The following AXDND1 variants were observed in gnomAD, a reference collection of about 807,000 sequenced individuals.
The protein encoded by AXDND1 is axonemal dynein light chain domain-containing protein 1.
AXDND1 carries 110 observed loss-of-function variants against 137.5 expected under a neutral mutation model. The ratio of observed to expected loss-of-function variants is 0.80; its 90% CI spans 0.69 to 0.94. The LOEUF (loss-of-function observed/expected upper bound fraction) is 0.94, where lower values mean the gene tolerates loss of function less well. Ranked by LOEUF, AXDND1 falls within the 40% of genes least tolerant of loss-of-function variation. The probability of loss-of-function intolerance (pLI) is 0.00; values close to 1 mark genes in which losing one functional copy is unlikely to be tolerated. For synonymous variants in AXDND1, 414 were observed against 399.7 expected (o/e 1.04, Z -0.43); for missense variants, 1,191 against 1,169.8 (o/e 1.02, Z -0.26).
chr1:179,452,788 G>A (rs1660734006), intron 16 of AXDND1: 2 of 151,766 alleles, frequency 1.3e-5, no homozygotes, highest in African/African-American at 4.8e-5. Flanking sequence ...AAGTAATGGG[G>A]AGCCAACTGT....
chr1:179,493,485 A>G (rs528258553), intron 20 of AXDND1, among the ~76,000 whole-genome samples: 1 of 152,250 alleles, frequency 6.6e-6, no homozygotes, highest in South Asian at 2.1e-4. Context: ...CTTTGAATGG[A>G]TGTATACTTT....
Position 179,385,241 on chromosome 1 carries a change from C to T in AXDND1, c.745C>T (p.His249Tyr), listed in dbSNP as rs752633154. ...NQEYTGPTKM[H>Y]KLLHILKKEQ... ...TATGTTACTTACCTTCTGACAGATG[C>T]ACAAACTACTACATATATTGAAGAA... The change falls in exon 9 of 26, where the codon CAC (histidine) becomes TAC (tyrosine). Residue 249 changes from histidine (H) to tyrosine (Y), a missense_variant. Coordinates refer to ENST00000367618, the MANE Select transcript of AXDND1 (RefSeq NM_144696.6). 3 of 1,608,886 alleles carry T rather than the reference C, an allele frequency of 1.9e-6. No homozygotes were observed. The highest frequency in any genetic ancestry group is 8.5e-7 in the Non-Finnish European group (1 of 1,175,476).
intron 16 of AXDND1, among the ~76,000 whole-genome samples, chr1:179,458,132 G>A (rs1382417056): frequency 6.6e-6 from 1 of 152,014 alleles, no homozygotes. Flanking sequence ...TGGGACTACA[G>A]GTGCATGCTG....
chr1:179,548,665 A>G (rs1002823442), intron 25 of AXDND1: 2 of 152,212 alleles, frequency 1.3e-5, no homozygotes, highest in Non-Finnish European at 2.9e-5. Flanking sequence ...CAGTCCATCA[A>G]GGAGATGCAT....
chr1:179,462,835 C>T (rs1047607133), intron 16 of AXDND1, among the ~76,000 whole-genome samples: 1 of 152,136 alleles, frequency 6.6e-6, no homozygotes, highest in Non-Finnish European at 1.5e-5. Flanking sequence ...TCAAATTCTT[C>T]CTGGTTTACT....
intron 8 of AXDND1, among the ~76,000 whole-genome samples, chr1:179,384,168 A>G (rs879236157): frequency 2.0e-5 from 3 of 152,190 alleles, no homozygotes; most frequent in Admixed American, 6.5e-5. Flanking sequence ...AAAAAGTTCA[A>G]TACAAGACAC....
chr1:179,478,525 A>C (rs1444309324), intron 17 of AXDND1, among the ~76,000 whole-genome samples: 1 of 152,110 alleles, frequency 6.6e-6, no homozygotes, highest in African/African-American at 2.4e-5. Context: ...TGGCTGGAGC[A>C]GCTGGGATGC....
intron 21 of AXDND1, among the ~76,000 whole-genome samples, chr1:179,524,175 A>G (rs544294980): frequency 1.3e-5 from 2 of 152,312 alleles, no homozygotes; most frequent in South Asian, 4.1e-4. Context: ...TCTTTTTCAT[A>G]TAATGACTGC....
chr1:179,479,734 A>ACC (rs1665120887), intron 17 of AXDND1, among the ~76,000 whole-genome samples: 1 of 152,112 alleles, frequency 6.6e-6, no homozygotes. Flanking sequence ...CCGAGATCGC[A>ACC]CCACTGCACT....
At chr1:179,368,475 GTCT>G (rs973393496) in intron 2 of AXDND1, among the ~76,000 whole-genome samples, 2 of 152,156 alleles carry the variant, frequency 1.3e-5, no homozygotes, top group African/African-American at 2.4e-5. Context: ...ATTCATTCCT[GTCT>G]TCTTAAGGCT....
At chr1:179,415,077 A>G (rs982117038) in intron 12 of AXDND1, among the ~76,000 whole-genome samples, 1 of 152,200 alleles carries the variant, frequency 6.6e-6, no homozygotes, top group African/African-American at 2.4e-5. Flanking sequence ...CGTGATGGCC[A>G]ATGCCTGTAA....
At chr1:179,414,832 T>A (rs1005825573) in intron 12 of AXDND1, among the ~76,000 whole-genome samples, 8 of 152,228 alleles carry the variant, frequency 5.3e-5, no homozygotes, top group Non-Finnish European at 7.4e-5. Context: ...AATCTGAATA[T>A]GAGAATAATA....
intron 16 of AXDND1, among the ~76,000 whole-genome samples, chr1:179,459,870 TTCTTTTCTTTTC>T (rs960548913): frequency 4.9e-5 from 7 of 144,148 alleles, no homozygotes; most frequent in Non-Finnish European, 7.5e-5. Flanking sequence ...TTTCCTTCCT[TTCTTTTCTTTTC>T]TCTTTTCTTT....
At chr1:179,410,420 G>A (rs1386019332) in intron 11 of AXDND1, among the ~76,000 whole-genome samples, 2 of 152,138 alleles carry the variant, frequency 1.3e-5, no homozygotes, top group Non-Finnish European at 2.9e-5. Context: ...TAGAGACGAG[G>A]TTTCACCATG....
chr1:179,525,013 T>G (rs983976231), intron 21 of AXDND1, among the ~76,000 whole-genome samples: 5 of 152,164 alleles, frequency 3.3e-5, no homozygotes, highest in African/African-American at 1.2e-4. Flanking sequence ...CAGAGCTGCT[T>G]CTTTTCCTTC....
chr1:179,436,516 A>G (rs1223985422), intron 15 of AXDND1, among the ~76,000 whole-genome samples: 2 of 152,212 alleles, frequency 1.3e-5, no homozygotes, highest in Non-Finnish European at 1.5e-5. Flanking sequence ...AGCCATAGAA[A>G]GGAATGAGAT....
intron 17 of AXDND1, among the ~76,000 whole-genome samples, chr1:179,480,057 T>A (rs111388010): frequency 0.024 from 3,668 of 152,264 alleles, 142 homozygotes; most frequent in African/African-American, 0.084. Context: ...CATTTTCCTG[T>A]CTTCTTCTGA....
At chr1:179,463,165 T>C (rs74650042) in intron 16 of AXDND1, among the ~76,000 whole-genome samples, 25,545 of 152,200 alleles carry the variant, frequency 0.17, 2,494 homozygotes, top group East Asian at 0.35. Context: ...TGCTAGCTTT[T>C]GAATGTGTTT....
intron 6 of AXDND1, among the ~76,000 whole-genome samples, chr1:179,382,212 G>C (rs182256186): frequency 7.5e-4 from 114 of 151,798 alleles, no homozygotes; most frequent in African/African-American, 2.5e-3. Flanking sequence ...CTGAGTAGCT[G>C]GGATTACAGG....
Sources: gnomAD v4.1 joint callset for allele counts (sites outside exome capture counted in the v4.1 genomes callset) on GRCh38, gnomAD v4.1.1 for gene constraint, MANE v1.5 for transcripts, NCBI Gene and HGNC (gene_info 2026-07-23, HGNC 2026-07-21) for gene names.